The following DMD variants were observed in gnomAD, a reference collection of about 807,000 sequenced individuals.
DMD encodes dystrophin.
Under a neutral mutation model 330.1 loss-of-function variants are expected in DMD, and 63 were observed. The ratio of observed to expected loss-of-function variants is 0.19; its 90% CI spans 0.16 to 0.24. DMD has a LOEUF of 0.24. Ranked by LOEUF, DMD falls within the 10% of genes least tolerant of loss-of-function variation. The pLI, the probability that DMD is intolerant of heterozygous loss-of-function variation, is 1.00. For missense variants in DMD, 3,344 were observed against 2,684.1 expected (o/e 1.25, Z -5.43); for synonymous variants, 1,223 against 959.8 (o/e 1.27, Z -5.07).
chrX:33,097,052 G>A (rs906111759), intron 1 of DMD, among the ~76,000 whole-genome samples: 1 of 111,444 alleles, frequency 9.0e-6, no homozygotes, highest in Non-Finnish European at 1.9e-5. Context: ...ATAGTTCTAT[G>A]TGCTATAAGG....
At chrX:31,840,365 T>C (rs2093292252) in intron 48 of DMD, among the ~76,000 whole-genome samples, 1 of 110,558 alleles carries the variant, frequency 9.0e-6, no homozygotes, top group Non-Finnish European at 1.9e-5. Context: ...TATATGTGTG[T>C]GATATACATG....
intron 44 of DMD, among the ~76,000 whole-genome samples, chrX:32,067,653 T>C (rs1466743834): frequency 8.9e-5 from 10 of 111,949 alleles, no homozygotes. Flanking sequence ...TAATGGCCTC[T>C]AGCTGCATCT....
rs767647986 is a variant in DMD at position 32,925,998 on chromosome X, C to T, written c.94-76178G>A. Among the ~76,000 whole-genome samples, 413 of 112,028 alleles carry T rather than the reference C, an allele frequency of 3.7e-3. 1 individual carries two copies. Among genetic ancestry groups the T allele is most frequent in the Non-Finnish European group, 5.0e-3 (267 of 53,211 alleles). ...TATATTGAAAAGATATGTGCACTCC[C>T]GTGTTCATTGCAGCATTGTTCACAA... On this transcript the variant is annotated intron_variant, in intron 2 of 78. Coordinates refer to ENST00000357033, the MANE Select transcript of DMD (RefSeq NM_004006.3).
chrX:32,259,707 A>T lies in DMD; in HGVS notation c.6290+27822T>A, dbSNP rs779273147. 1.1e-3 allele frequency among the ~76,000 whole-genome samples: 124 copies of T among 111,443 alleles called. 1 individual carries two copies. The highest frequency in any genetic ancestry group is 3.3e-3 in the African/African-American group (100 of 30,725). ...ATACAGTTTTAGAAAAAATACTAAT[A>T]CTCTGGCTTCGAAGACTGCTATGTA... is the stretch of plus-strand genomic sequence containing the variant. On this transcript the variant is annotated intron_variant, in intron 43 of 78. Coordinates refer to ENST00000357033, the MANE Select transcript of DMD (RefSeq NM_004006.3).
At chrX:32,184,676 C>T (rs1244963272) in intron 44 of DMD, among the ~76,000 whole-genome samples, 1 of 110,502 alleles carries the variant, frequency 9.0e-6, no homozygotes, top group African/African-American at 3.3e-5. Flanking sequence ...GCTATGTTGC[C>T]CTGTCATGAA....
At chrX:32,417,053 A>C (rs1204154744) in intron 29 of DMD, among the ~76,000 whole-genome samples, 1 of 112,143 alleles carries the variant, frequency 8.9e-6, no homozygotes, top group Admixed American at 9.5e-5. Flanking sequence ...CTTCTATTTA[A>C]CTTAAGAGCA....
intron 9 of DMD, among the ~76,000 whole-genome samples, chrX:32,647,398 TA>T (rs2059850587): frequency 9.0e-6 from 1 of 111,555 alleles, no homozygotes; most frequent in Admixed American, 9.6e-5. Context: ...TATAACTGAG[TA>T]AACAAGGTTG....
chrX:32,663,749 G>T (rs904011637), intron 9 of DMD, among the ~76,000 whole-genome samples: 1 of 111,789 alleles, frequency 8.9e-6, no homozygotes, highest in Admixed American at 9.5e-5. Flanking sequence ...GGATGTAAGT[G>T]TTATGGAGAA....
rs147510100 is a variant in DMD at position 31,524,355 on chromosome X, A to G, written c.8218-16902T>C. Among the ~76,000 whole-genome samples, 26 of 112,178 alleles carry G rather than the reference A, an allele frequency of 2.3e-4. No individual in the cohort carries two copies. The East Asian group carries it at 7.0e-3, about 30-fold the overall frequency. ...ATCTCCTCTGTCTTCAATTCTTCTC[A>G]GCAAACTTTTATTGGGTCTCATCCT... On this transcript the variant is annotated intron_variant, in intron 55 of 78. Coordinates refer to ENST00000357033, the MANE Select transcript of DMD (RefSeq NM_004006.3).
rs778811645 is a variant in DMD at position 32,491,427 on chromosome X, G to C, written c.2472C>G (p.Asn824Lys). 2.5e-6 allele frequency: 3 copies of C among 1,209,862 alleles called. No individual in the cohort carries two copies. Among genetic ancestry groups the C allele is most frequent in the African/African-American group, 3.5e-5 (2 of 57,160 alleles). ...EFCQLLSERL[N>K]WLEYQNNIIA... is the part of the protein sequence containing the mutation. Reference sequence around the variant, plus strand: ...TGATGTTGTTCTGATACTCCAGCCAGTTAAGTCTCTCACTTAGCAACTGGC... The same window carrying C: ...TGATGTTGTTCTGATACTCCAGCCACTTAAGTCTCTCACTTAGCAACTGGC... The change falls in exon 20 of 79, where the codon AAC becomes AAG. Residue 824 changes from asparagine (N) to lysine (K), a missense_variant. Transcript: ENST00000357033.
intron 53 of DMD, among the ~76,000 whole-genome samples, chrX:31,670,157 T>G (rs2081669066): frequency 8.9e-6 from 1 of 112,044 alleles, no homozygotes; most frequent in Non-Finnish European, 1.9e-5. Flanking sequence ...TCCTACAAAT[T>G]TGCTGAATTA....
At chrX:32,271,947 G>T (rs2097366640) in intron 43 of DMD, among the ~76,000 whole-genome samples, 1 of 111,432 alleles carries the variant, frequency 9.0e-6, no homozygotes, top group Non-Finnish European at 1.9e-5. Flanking sequence ...ATTCATTCTA[G>T]AATATTACAG....
intron 2 of DMD, among the ~76,000 whole-genome samples, chrX:32,945,680 A>G (rs1210597845): frequency 9.0e-6 from 1 of 111,577 alleles, no homozygotes; most frequent in Non-Finnish European, 1.9e-5. Flanking sequence ...ATAAACTATC[A>G]TCTATTCTTA....
At chrX:32,892,265 T>G (rs372517792) in intron 2 of DMD, among the ~76,000 whole-genome samples, 1 of 112,351 alleles carries the variant, frequency 8.9e-6, no homozygotes, top group East Asian at 2.8e-4. Flanking sequence ...CTGGCAACAT[T>G]ACTGCACATT....
At chrX:33,145,223 C>T (rs1490493856) in intron 1 of DMD, among the ~76,000 whole-genome samples, 2 of 112,020 alleles carry the variant, frequency 1.8e-5, no homozygotes, top group Non-Finnish European at 3.8e-5. Context: ...TTTCTAAACA[C>T]AAAATATAAG....
intron 44 of DMD, among the ~76,000 whole-genome samples, chrX:32,002,521 G>T (rs2095634172): frequency 8.9e-6 from 1 of 111,854 alleles, no homozygotes; most frequent in Non-Finnish European, 1.9e-5. Flanking sequence ...AATTGAAGAA[G>T]TGTTTCAGTT....
chrX:31,834,384 A>G (rs1001124667), intron 49 of DMD, among the ~76,000 whole-genome samples: 6 of 111,519 alleles, frequency 5.4e-5, no homozygotes, highest in Admixed American at 3.8e-4. Flanking sequence ...TGAGTCAACT[A>G]TTTTTTTAAA....
rs766362129 is a variant in DMD at position 32,895,379 on chromosome X, T to C, written c.94-45559A>G. ...AGAACTGAACTGAGCAAATACTTTA[T>C]ACTTCTGGTTCAGTTCATCATAACT... On this transcript the variant is annotated intron_variant, in intron 2 of 78. Coordinates refer to ENST00000357033, the MANE Select transcript of DMD (RefSeq NM_004006.3). 2.7e-5 allele frequency among the ~76,000 whole-genome samples: 3 copies of C among 112,666 alleles called. No individual in the cohort carries two copies. The East Asian group carries it at 8.4e-4, about 31-fold the overall frequency.
intron 43 of DMD, among the ~76,000 whole-genome samples, chrX:32,236,461 A>AC (rs1292103456): frequency 3.6e-5 from 4 of 112,045 alleles, no homozygotes; most frequent in African/African-American, 1.3e-4. Context: ...CTCACTTAGT[A>AC]CGATATGGTT....
Sources: gnomAD v4.1 joint callset for allele counts (sites outside exome capture counted in the v4.1 genomes callset) on GRCh38, gnomAD v4.1.1 for gene constraint, MANE v1.5 for transcripts, NCBI Gene and HGNC (gene_info 2026-07-23, HGNC 2026-07-21) for gene names.